The following RANBP17 variants were observed in gnomAD, a reference collection of about 807,000 sequenced individuals.
RANBP17 encodes RAN binding protein 17, also known as ran-binding protein 17.
A neutral mutation model predicts 141.2 loss-of-function variants in RANBP17; 158 were observed. The observed-to-expected ratio is 1.12, with a 90% confidence interval of 0.98 to 1.28. The LOEUF (loss-of-function observed/expected upper bound fraction) is 1.28, where lower values mean the gene tolerates loss of function less well. Among genes scored for constraint, RANBP17 ranks in the 50% most tolerant of loss-of-function variants. The pLI, the probability that RANBP17 is intolerant of heterozygous loss-of-function variation, is 0.00. For synonymous variants in RANBP17, 430 were observed against 450.0 expected (o/e 0.96, Z 0.56); for missense variants, 1,438 against 1,290.7 (o/e 1.11, Z -1.75).
In RANBP17 at chr5:170,989,834, TCA is replaced by T. The variant is rs754205715; in HGVS notation, c.1710+21458_1710+21459del. The stretch of plus-strand genomic sequence containing the variant: ...TATATATGACTGTTAAGCCAGAATT[TCA>T]GACTATCAACTTTCATGTATACAGT... On this transcript the variant is annotated intron_variant, in intron 14 of 27. Transcript: ENST00000523189. Among the ~76,000 whole-genome samples, 157 of 151,872 alleles carry T rather than the reference TCA, an allele frequency of 1.0e-3. 1 individual carries two copies. The highest frequency in any genetic ancestry group is 7.8e-4 in the Non-Finnish European group (53 of 67,760).
chr5:171,145,583 T>C (rs959120962), intron 14 of RANBP17, among the ~76,000 whole-genome samples: 57 of 152,178 alleles, frequency 3.7e-4, no homozygotes, highest in African/African-American at 9.4e-4. Flanking sequence ...GTTTTGATAC[T>C]AGCAAAAATA....
intron 1 of RANBP17, among the ~76,000 whole-genome samples, chr5:170,870,002 T>G (rs575072919): frequency 1.3e-5 from 2 of 152,202 alleles, no homozygotes; most frequent in African/African-American, 4.8e-5. Flanking sequence ...TTACTATTTC[T>G]TGGCCTAATT....
At chr5:170,976,572 ATTTCAAAACTTGCT>A (rs1777393489) in intron 14 of RANBP17, among the ~76,000 whole-genome samples, 1 of 152,180 alleles carries the variant, frequency 6.6e-6, no homozygotes, top group African/African-American at 2.4e-5. Context: ...ACACTTTCTA[ATTTCAAAACTTGCT>A]ACAAAGCAGC....
At chr5:171,137,586 G>GTGTC (rs1408749119) in intron 14 of RANBP17, among the ~76,000 whole-genome samples, 10 of 143,782 alleles carry the variant, frequency 7.0e-5, no homozygotes, top group East Asian at 2.1e-4. Context: ...GTGTGTGTGT[G>GTGTC]TGTGTGTGTG....
intron 11 of RANBP17, 90 bp downstream of exon 11, chr5:170,919,703 T>C: frequency 1.1e-6 from 1 of 949,326 alleles, no homozygotes; most frequent in Non-Finnish European, 1.6e-6. Flanking sequence ...TCACCCCTTT[T>C]AGCGTACAGT....
intron 14 of RANBP17, among the ~76,000 whole-genome samples, chr5:171,167,541 A>C (rs1195250796): frequency 6.6e-6 from 1 of 152,200 alleles, no homozygotes; most frequent in African/African-American, 2.4e-5. Context: ...ATTTATTATT[A>C]ATTTCATTTA....
rs1404156365 is a variant in RANBP17 at position 171,277,645 on chromosome 5, A to G, written c.2943+11798A>G. Among the ~76,000 whole-genome samples the G allele has an allele frequency of 9.3e-4, 112 of 120,586 alleles. 4 individuals are homozygous for G. Among genetic ancestry groups the G allele is most frequent in the Admixed American group, 2.8e-3 (34 of 12,098 alleles). The allele number at this position is 120,586 out of a possible 152,430, so 79.1% of individuals were successfully genotyped here. A position where few individuals can be genotyped will look rare whatever the true frequency, so the allele number is the denominator to read the frequency against. ...CGTATACATATATGTATGTATATAT[A>G]TATATATATATATATATATATATTT... On this transcript the variant is annotated intron_variant, in intron 25 of 27. Transcript: ENST00000523189.
chr5:170,883,516 G>A (rs767025568), intron 3 of RANBP17, among the ~76,000 whole-genome samples: 3 of 152,142 alleles, frequency 2.0e-5, no homozygotes, highest in Admixed American at 2.0e-4. Flanking sequence ...TTTGACAAAT[G>A]TGTTAATACA....
At chr5:171,121,511 A>AT (rs1259928343) in intron 14 of RANBP17, among the ~76,000 whole-genome samples, 1 of 152,182 alleles carries the variant, frequency 6.6e-6, no homozygotes. Context: ...GAGTTGGCTG[A>AT]TTCGCTGTTC....
At chr5:170,956,541 T>C (rs1775712552) in intron 13 of RANBP17, among the ~76,000 whole-genome samples, 2 of 151,882 alleles carry the variant, frequency 1.3e-5, no homozygotes, top group East Asian at 3.9e-4. Flanking sequence ...TTAGTTACTT[T>C]TCAACCAAAC....
chr5:171,244,219 C>A (rs74890766), intron 24 of RANBP17, among the ~76,000 whole-genome samples: 4,911 of 151,890 alleles, frequency 0.032, 144 homozygotes, highest in East Asian at 0.12. Flanking sequence ...TGGTGAAACC[C>A]TGTCTCTACT....
At chr5:170,862,585 G>A (rs1766893303) in intron 1 of RANBP17, among the ~76,000 whole-genome samples, 1 of 152,170 alleles carries the variant, frequency 6.6e-6, no homozygotes, top group African/African-American at 2.4e-5. Context: ...ATTGGCCAGA[G>A]GAGACAGGGG....
At chr5:170,974,488 G>C (rs1777219893) in intron 14 of RANBP17, among the ~76,000 whole-genome samples, 1 of 152,130 alleles carries the variant, frequency 6.6e-6, no homozygotes, top group Non-Finnish European at 1.5e-5. Flanking sequence ...TACTGGAGTT[G>C]GGTGCTTGCT....
At chr5:171,074,769 G>C (rs767662994) in intron 14 of RANBP17, among the ~76,000 whole-genome samples, 9 of 152,060 alleles carry the variant, frequency 5.9e-5, no homozygotes, top group Non-Finnish European at 1.2e-4. Context: ...ACATGTTATT[G>C]CTATCTGTGG....
At chr5:171,215,264 C>T (rs182153504) in intron 21 of RANBP17, among the ~76,000 whole-genome samples, 6,375 of 152,168 alleles carry the variant, frequency 0.042, 183 homozygotes, top group East Asian at 0.12. Flanking sequence ...CATAGTGTTC[C>T]GTGGTGTATA....
chr5:171,230,473 A>G (rs762100496), intron 22 of RANBP17, among the ~76,000 whole-genome samples: 44 of 152,134 alleles, frequency 2.9e-4, no homozygotes, highest in Middle Eastern at 3.2e-3. Context: ...AAGAATTACA[A>G]CTTTAGGCTG....
intron 1 of RANBP17, chr5:170,866,697 C>T (rs1482209395): frequency 6.6e-6 from 1 of 151,632 alleles, no homozygotes; most frequent in East Asian, 1.9e-4. Context: ...AAAGAAGGGA[C>T]ACTTAAAGTG....
chr5:171,033,340 T>C (rs965930256), intron 14 of RANBP17, among the ~76,000 whole-genome samples: 9 of 152,176 alleles, frequency 5.9e-5, no homozygotes, highest in African/African-American at 1.9e-4. Flanking sequence ...ATTTAAAATA[T>C]GGAACTGTCT....
intron 14 of RANBP17, among the ~76,000 whole-genome samples, chr5:171,083,582 T>C (rs1785399737): frequency 6.6e-6 from 1 of 152,222 alleles, no homozygotes; most frequent in South Asian, 2.1e-4. Flanking sequence ...TTATTTTTTC[T>C]CTGTTCAGTC....
Sources: allele counts gnomAD v4.1 joint callset (sites outside exome capture counted in the v4.1 genomes callset), GRCh38; gene constraint gnomAD v4.1.1; transcripts MANE v1.5; gene names NCBI Gene and HGNC (gene_info 2026-07-23, HGNC 2026-07-21).